ZMYND8: variants seen among roughly 807,000 people sequenced by gnomAD.
ZMYND8 encodes the protein MYND-type zinc finger-containing chromatin reader ZMYND8.
In ZMYND8, 37 loss-of-function variants were observed where a neutral mutation model predicts 140.8. That is an observed-to-expected ratio of 0.26 (90% CI 0.20 to 0.35). ZMYND8 has a LOEUF of 0.35. ZMYND8 is among the 10% of genes least tolerant of loss of function. The probability of loss-of-function intolerance (pLI) is 1.00; values close to 1 mark genes in which losing one functional copy is unlikely to be tolerated. For synonymous variants in ZMYND8, 592 were observed against 597.1 expected (o/e 0.99, Z 0.12); for missense variants, 1,068 against 1,570.0 (o/e 0.68, Z 5.40).
chr20:47,271,838 C>A (rs535771074), intron 11 of ZMYND8, among the ~76,000 whole-genome samples: 1 of 152,060 alleles, frequency 6.6e-6, no homozygotes, highest in African/African-American at 2.4e-5. Flanking sequence ...TGTGCCACCA[C>A]GCCTGGCTAA....
At chr20:47,356,155 G>GC (rs1342588213) in intron 1 of ZMYND8, among the ~76,000 whole-genome samples, 1 of 151,468 alleles carries the variant, frequency 6.6e-6, no homozygotes, top group Admixed American at 6.6e-5. Context: ...CTTTGGAGAG[G>GC]CAAACTTGCC....
chr20:47,342,485 T>G (rs931671218), intron 2 of ZMYND8, among the ~76,000 whole-genome samples: 11 of 149,682 alleles, frequency 7.3e-5, no homozygotes, highest in African/African-American at 2.7e-4. Flanking sequence ...AAGTGGAGGT[T>G]GCAGTGAGCC....
intron 11 of ZMYND8, among the ~76,000 whole-genome samples, chr20:47,270,439 T>A (rs2147707289): frequency 6.6e-6 from 1 of 150,768 alleles, no homozygotes; most frequent in African/African-American, 2.4e-5. Flanking sequence ...AATACAAGGT[T>A]AAGCTTTAAA....
chr20:47,282,500 G>A (rs2076667001), intron 9 of ZMYND8, among the ~76,000 whole-genome samples: 2 of 152,190 alleles, frequency 1.3e-5, no homozygotes, highest in African/African-American at 4.8e-5. Flanking sequence ...CAATGCGGGT[G>A]GATCACCTGA....
chr20:47,334,957 G>A (rs1020911339), intron 2 of ZMYND8, among the ~76,000 whole-genome samples: 1 of 151,828 alleles, frequency 6.6e-6, no homozygotes, highest in Non-Finnish European at 1.5e-5. Context: ...TTTAAATGGA[G>A]AACTGGGCCC....
At chr20:47,301,897 G>A (rs114037535) in intron 3 of ZMYND8, among the ~76,000 whole-genome samples, 1,675 of 152,238 alleles carry the variant, frequency 0.011, 30 homozygotes, top group African/African-American at 0.039. Context: ...CATGGAAGTA[G>A]TTACCTCCAT....
At chr20:47,319,453 C>T (rs897662944) in intron 2 of ZMYND8, 2 of 213,544 alleles carry the variant, frequency 9.4e-6, no homozygotes, top group African/African-American at 2.3e-5. Flanking sequence ...TTCAGATTCT[C>T]CAGTTCTGAT....
In ZMYND8 at chr20:47,219,055, A is replaced by ATTTTTTTTTTTTTTTTTTTTTT. The variant is rs3092175; in HGVS notation, c.3484+1202_3484+1203insAAAAAAAAAAAAAAAAAAAAAA. On this transcript the variant is annotated intron_variant, in intron 21 of 22. Coordinates refer to ENST00000471951, the MANE Select transcript of ZMYND8 (RefSeq NM_001281775.3). ...AACATGGCAAAACCCCGTTTCTACA[A>ATTTTTTTTTTTTTTTTTTTTTT]TTTTTTTTTTTTTTTTTTTTGAGAG... Among the ~76,000 whole-genome samples the ATTTTTTTTTTTTTTTTTTTTTT allele has an allele frequency of 5.0e-4, 56 of 110,914 alleles. 2 individuals carry two copies. Among genetic ancestry groups the ATTTTTTTTTTTTTTTTTTTTTT allele is most frequent in the African/African-American group, 1.7e-3 (50 of 29,894 alleles). The allele number at this position is 110,914 out of a possible 152,430, so 72.8% of individuals were successfully genotyped here.
intron 8 of ZMYND8, among the ~76,000 whole-genome samples, chr20:47,284,598 AC>A (rs2076812287): frequency 6.6e-6 from 1 of 151,452 alleles, no homozygotes; most frequent in Non-Finnish European, 1.5e-5. Context: ...CCGCTCCCCA[AC>A]CCCTTCCAGC....
In ZMYND8 at chr20:47,219,505, G is replaced by A. The variant is rs372588793; in HGVS notation, c.3484+753C>T. On this transcript the variant is annotated intron_variant, in intron 21 of 22. Transcript: ENST00000471951. ...CACACTACTGCACTCCAGCCTGGGC[G>A]ACAGGGCAAGACTGTCTCAAAAAAA... Among the ~76,000 whole-genome samples the A allele has an allele frequency of 4.5e-4, 65 of 145,248 alleles. No homozygotes were observed. In the South Asian group the frequency reaches 0.01, roughly 23 times the overall value.
At chr20:47,313,730 G>A (rs1325389842) in intron 2 of ZMYND8, among the ~76,000 whole-genome samples, 4 of 151,860 alleles carry the variant, frequency 2.6e-5, no homozygotes, top group African/African-American at 7.3e-5. Flanking sequence ...TCAGGAGTTC[G>A]AGACCAGACT....
At chr20:47,229,858 C>T in intron 16 of ZMYND8, 52 bp from the exon 17 acceptor site, 1 of 1,498,654 alleles carries the variant, frequency 6.7e-7, no homozygotes, top group Non-Finnish European at 9.2e-7. Flanking sequence ...GGAGGCTTTT[C>T]CTGGTGACAA....
At chr20:47,227,663 A>G (rs529063848) in intron 17 of ZMYND8, among the ~76,000 whole-genome samples, 2 of 152,334 alleles carry the variant, frequency 1.3e-5, no homozygotes, top group East Asian at 3.9e-4. Context: ...ACACTTATTC[A>G]CCTGAAATTC....
At chr20:47,284,215 G>C (rs1208236980) in intron 8 of ZMYND8, among the ~76,000 whole-genome samples, 1 of 152,134 alleles carries the variant, frequency 6.6e-6, no homozygotes, top group Non-Finnish European at 1.5e-5. Flanking sequence ...GAGCCACCAT[G>C]CCCAACCCAG....
chr20:47,254,782 G>A (rs939373212), intron 12 of ZMYND8, among the ~76,000 whole-genome samples: 1 of 152,074 alleles, frequency 6.6e-6, no homozygotes, highest in Non-Finnish European at 1.5e-5. Context: ...GCAGCACCCT[G>A]GCCTCTACCC....
intron 2 of ZMYND8, among the ~76,000 whole-genome samples, chr20:47,325,793 GT>G (rs201963632): frequency 7.5e-5 from 11 of 146,930 alleles, no homozygotes; most frequent in South Asian, 2.1e-4. Context: ...ATTTTGTTTT[GT>G]TTTTTTTTTC....
intron 2 of ZMYND8, among the ~76,000 whole-genome samples, chr20:47,335,735 T>A: frequency 6.6e-6 from 1 of 152,290 alleles, no homozygotes; most frequent in East Asian, 1.9e-4. Flanking sequence ...AAGGTTTGCA[T>A]GAGTGAACCA....
intron 16 of ZMYND8, among the ~76,000 whole-genome samples, chr20:47,235,897 G>A (rs1476533231): frequency 6.6e-6 from 1 of 152,086 alleles, no homozygotes; most frequent in Non-Finnish European, 1.5e-5. Flanking sequence ...CTTGATTCCT[G>A]GAAAAATCAA....
At chr20:47,321,643 C>T (rs1439513071) in intron 2 of ZMYND8, among the ~76,000 whole-genome samples, 1 of 152,106 alleles carries the variant, frequency 6.6e-6, no homozygotes, top group Non-Finnish European at 1.5e-5. Flanking sequence ...TGACTTCAGA[C>T]TTCAAAGAAA....
Sources: allele counts gnomAD v4.1 joint callset (sites outside exome capture counted in the v4.1 genomes callset), GRCh38; gene constraint gnomAD v4.1.1; transcripts MANE v1.5; gene names NCBI Gene and HGNC (gene_info 2026-07-23, HGNC 2026-07-21).